TENT5D: variants seen among roughly 807,000 people sequenced by gnomAD.
TENT5D encodes the protein terminal nucleotidyltransferase 5D.
For missense variants in TENT5D, 191 were observed against 287.0 expected (o/e 0.67, Z 2.42); for synonymous variants, 103 against 100.6 (o/e 1.02, Z -0.15).
chrX:80,387,617 G>T (rs2147536019), intron 3 of TENT5D, among the ~76,000 whole-genome samples: 1 of 111,627 alleles, frequency 9.0e-6, no homozygotes, highest in East Asian at 2.8e-4. Flanking sequence ...CTTGTGCTGA[G>T]CTGTCTGCAG....
intron 3 of TENT5D, among the ~76,000 whole-genome samples, chrX:80,355,197 C>T (rs1487225084): frequency 1.8e-5 from 2 of 111,767 alleles, no homozygotes; most frequent in Admixed American, 9.5e-5. Flanking sequence ...AGTGGGGTTC[C>T]GCCTGCAAAA....
At chrX:80,335,637 C>T (rs1929832631) in intron 1 of TENT5D, 1 of 112,299 alleles carries the variant, frequency 8.9e-6, no homozygotes, top group Admixed American at 9.5e-5. Flanking sequence ...TTCCGCCCCA[C>T]CTCTTTCCTC....
chrX:80,346,834 C>T (rs991357604), intron 3 of TENT5D, among the ~76,000 whole-genome samples: 1 of 110,393 alleles, frequency 9.1e-6, no homozygotes, highest in Non-Finnish European at 1.9e-5. Flanking sequence ...CCCTTTCCCC[C>T]CAGCCCTGGA....
chrX:80,347,719 T>C (rs901882756), intron 3 of TENT5D, among the ~76,000 whole-genome samples: 1 of 112,401 alleles, frequency 8.9e-6, no homozygotes, highest in Non-Finnish European at 1.9e-5. Context: ...GCAATTGCTT[T>C]AGGTGTTTTA....
At chrX:80,348,675 G>A (rs886177343) in intron 3 of TENT5D, among the ~76,000 whole-genome samples, 37 of 111,570 alleles carry the variant, frequency 3.3e-4, no homozygotes, top group African/African-American at 1.2e-3. Context: ...TGATTGCTCT[G>A]GCCAGAACTT....
intron 3 of TENT5D, among the ~76,000 whole-genome samples, chrX:80,343,006 G>T (rs1178788300): frequency 9.2e-6 from 1 of 109,194 alleles, no homozygotes; most frequent in Non-Finnish European, 1.9e-5. Flanking sequence ...ATACTTTTAA[G>T]TCAACTTTAT....
chrX:80,393,608 A>G (rs953853856), intron 3 of TENT5D, among the ~76,000 whole-genome samples: 3 of 112,009 alleles, frequency 2.7e-5, no homozygotes, highest in Non-Finnish European at 1.9e-5. Flanking sequence ...ATACTCAATT[A>G]TTAGCTATAT....
chrX:80,337,808 C>A (rs751363528), intron 2 of TENT5D, among the ~76,000 whole-genome samples: 1 of 110,398 alleles, frequency 9.1e-6, no homozygotes. Context: ...CGCTCTGTTG[C>A]CCAGGCTGGA....
At chrX:80,349,322 G>A (rs1930127899) in intron 3 of TENT5D, among the ~76,000 whole-genome samples, 1 of 111,577 alleles carries the variant, frequency 9.0e-6, no homozygotes, top group South Asian at 3.7e-4. Context: ...GTTAATTACT[G>A]CCTCAATTAC....
At chrX:80,343,651 C>T (rs535089689) in intron 3 of TENT5D, among the ~76,000 whole-genome samples, 6 of 110,232 alleles carry the variant, frequency 5.4e-5, no homozygotes, top group Middle Eastern at 4.3e-3. Context: ...CTGCCCACCT[C>T]AGCTTCCCAA....
At chrX:80,356,479 T>C (rs1930286754) in intron 3 of TENT5D, among the ~76,000 whole-genome samples, 2 of 111,766 alleles carry the variant, frequency 1.8e-5, no homozygotes, top group Non-Finnish European at 3.8e-5. Flanking sequence ...TTCCTGATTT[T>C]ATGAATCTGA....
chrX:80,344,171 T>C (rs1930017564), intron 3 of TENT5D, among the ~76,000 whole-genome samples: 1 of 110,777 alleles, frequency 9.0e-6, no homozygotes, highest in Non-Finnish European at 1.9e-5. Flanking sequence ...GGTGTATATG[T>C]ACCACATTTT....
intron 3 of TENT5D, among the ~76,000 whole-genome samples, chrX:80,372,375 T>C (rs973697141): frequency 1.8e-5 from 2 of 111,939 alleles, no homozygotes; most frequent in Non-Finnish European, 3.8e-5. Flanking sequence ...TTTGTGTATT[T>C]ATTTTTGCAA....
intron 3 of TENT5D, among the ~76,000 whole-genome samples, chrX:80,367,803 T>G (rs940293488): frequency 9.0e-6 from 1 of 111,483 alleles, no homozygotes; most frequent in African/African-American, 3.3e-5. Flanking sequence ...ACAGTTGAAC[T>G]CATGGAGATA....
chrX:80,398,034 C>A, intron 3 of TENT5D, among the ~76,000 whole-genome samples: 1 of 112,105 alleles, frequency 8.9e-6, no homozygotes, highest in East Asian at 2.8e-4. Flanking sequence ...TTTCTACCAA[C>A]AACATATAGG....
intron 1 of TENT5D, 100 bp from the exon 2 acceptor site, chrX:80,438,508 GTA>G (rs1569375929): frequency 9.1e-6 from 1 of 109,334 alleles, no homozygotes; most frequent in Admixed American, 9.8e-5. Flanking sequence ...ATGTATGTAT[GTA>G]TGTATATAAT....
rs761390226 is a variant in TENT5D, at chrX:80,368,139, A to C, written c.-142+25575A>C. Among the ~76,000 whole-genome samples, 16 of 111,826 alleles carry C rather than the reference A, an allele frequency of 1.4e-4. 1 individual carries two copies. The South Asian group carries it at 5.9e-3, about 41-fold the overall frequency. ...CACTATGTACCCATAAAATAAAAAT[A>C]ATTTTAAAATTACCCAGAAGAAATA... On this transcript the variant is annotated intron_variant, in intron 3 of 4. Coordinates refer to the TENT5D transcript ENST00000538312.
chrX:80,425,984 G>A (rs937442910), intron 1 of TENT5D, among the ~76,000 whole-genome samples: 6 of 110,529 alleles, frequency 5.4e-5, no homozygotes, highest in Non-Finnish European at 7.6e-5. Context: ...CCAAGATCAC[G>A]CCACTGCACT....
At chrX:80,375,156 CT>C (rs1930700493) in intron 3 of TENT5D, among the ~76,000 whole-genome samples, 1 of 110,947 alleles carries the variant, frequency 9.0e-6, no homozygotes, top group Non-Finnish European at 1.9e-5. Flanking sequence ...GGAATATTCA[CT>C]TCATCTCTGT....
Sources: gnomAD v4.1 joint callset for allele counts (sites outside exome capture counted in the v4.1 genomes callset) on GRCh38, gnomAD v4.1.1 for gene constraint, MANE v1.5 for transcripts, NCBI Gene and HGNC (gene_info 2026-07-23, HGNC 2026-07-21) for gene names.